CADPS: variants seen among roughly 807,000 people sequenced by gnomAD.
CADPS encodes calcium-dependent secretion activator 1.
CADPS carries 57 observed loss-of-function variants against 167.3 expected under a neutral mutation model. That is an observed-to-expected ratio of 0.34 (90% CI 0.28 to 0.42). The LOEUF (loss-of-function observed/expected upper bound fraction) is 0.42. CADPS is among the 20% of genes least tolerant of loss of function. The pLI, the probability that CADPS is intolerant of heterozygous loss-of-function variation, is 1.00. For missense variants in CADPS, 1,414 were observed against 1,738.1 expected (o/e 0.81, Z 3.32); for synonymous variants, 676 against 635.3 (o/e 1.06, Z -0.96).
At chr3:62,600,486 T>C (rs1171122331) in intron 6 of CADPS, among the ~76,000 whole-genome samples, 3 of 152,162 alleles carry the variant, frequency 2.0e-5, no homozygotes. Flanking sequence ...CCAAACCAAA[T>C]ACTTCCTGTA....
intron 1 of CADPS, among the ~76,000 whole-genome samples, chr3:62,772,481 G>T (rs1040578121): frequency 6.6e-6 from 1 of 152,092 alleles, no homozygotes; most frequent in Non-Finnish European, 1.5e-5. Context: ...CAAATCTATT[G>T]TCTATAGCCA....
intron 22 of CADPS, among the ~76,000 whole-genome samples, chr3:62,479,282 C>T (rs974612083): frequency 2.0e-5 from 3 of 152,172 alleles, no homozygotes; most frequent in African/African-American, 4.8e-5. Flanking sequence ...AAAAATGCTC[C>T]ATCTCTCATC....
chr3:62,769,255 A>G (rs1427416787), intron 1 of CADPS, among the ~76,000 whole-genome samples: 1 of 151,970 alleles, frequency 6.6e-6, no homozygotes, highest in East Asian at 1.9e-4. Context: ...AAACAAAAAA[A>G]CAGAGTCTCA....
intron 4 of CADPS, among the ~76,000 whole-genome samples, chr3:62,656,090 G>A (rs2071493320): frequency 6.6e-6 from 1 of 152,146 alleles, no homozygotes; most frequent in Non-Finnish European, 1.5e-5. Flanking sequence ...CATTTGAAAT[G>A]AGGATAATAA....
rs1348148722 is a variant in CADPS at position 62,574,412 on chromosome 3, G to T, written c.1578-3474C>A. Among the ~76,000 whole-genome samples the T allele has an allele frequency of 4.6e-5, 7 of 152,234 alleles. No homozygotes were observed. In the East Asian group the frequency reaches 1.4e-3, roughly 29 times the overall value. ...GAGAAAGCAAAGAGATTAGTGAAGA[G>T]CTGGTCACAGGGGCTCAGGCAAGAG... On this transcript the variant is annotated intron_variant, in intron 8 of 29. Transcript: ENST00000383710.
chr3:62,614,303 T>C (rs1019958157), intron 6 of CADPS, among the ~76,000 whole-genome samples: 4 of 152,186 alleles, frequency 2.6e-5, no homozygotes, highest in Non-Finnish European at 4.4e-5. Context: ...TTGCTAAGTA[T>C]ATGTGACCCT....
At chr3:62,612,606 G>A (rs939778420) in intron 6 of CADPS, among the ~76,000 whole-genome samples, 1 of 152,172 alleles carries the variant, frequency 6.6e-6, no homozygotes, top group African/African-American at 2.4e-5. Flanking sequence ...GAAGTCAATA[G>A]TTATGTCTAT....
chr3:62,608,376 G>A (rs114920453), intron 6 of CADPS, among the ~76,000 whole-genome samples: 1,671 of 150,150 alleles, frequency 0.011, 35 homozygotes, highest in African/African-American at 0.036. Context: ...TCCACCTCCC[G>A]GGCTCACGTG....
chr3:62,639,109 T>G (rs1436271470), intron 6 of CADPS, among the ~76,000 whole-genome samples: 1 of 152,132 alleles, frequency 6.6e-6, no homozygotes. Flanking sequence ...GACCAAGCAT[T>G]CTGGTCTGAG....
intron 4 of CADPS, among the ~76,000 whole-genome samples, chr3:62,654,661 C>T (rs952881194): frequency 1.3e-5 from 2 of 152,106 alleles, no homozygotes; most frequent in Admixed American, 6.6e-5. Context: ...TAAAGGCTGT[C>T]ACGGAACAAA....
chr3:62,460,275 C>T (rs2059175900), intron 26 of CADPS, among the ~76,000 whole-genome samples: 1 of 152,206 alleles, frequency 6.6e-6, no homozygotes, highest in African/African-American at 2.4e-5. Context: ...ACGCCAGCTA[C>T]TACTACCACA....
At chr3:62,769,715 G>A (rs916533957) in intron 1 of CADPS, among the ~76,000 whole-genome samples, 5 of 152,166 alleles carry the variant, frequency 3.3e-5, no homozygotes, top group Admixed American at 6.5e-5. Context: ...ATGTGGCGAA[G>A]TAGTTATTTA....
chr3:62,686,213 C>A (rs2078006180), intron 3 of CADPS, among the ~76,000 whole-genome samples: 1 of 151,914 alleles, frequency 6.6e-6, no homozygotes, highest in South Asian at 2.1e-4. Context: ...AAACAAAAAA[C>A]CCTGCATGTT....
Position 62,502,207 on chromosome 3 carries a change from C to G in CADPS, c.2600-2939G>C, listed in dbSNP as rs527786367. 1.2e-3 allele frequency among the ~76,000 whole-genome samples: 179 copies of G among 152,260 alleles called. 3 individuals are homozygous for G. The highest frequency in any genetic ancestry group is 8.3e-4 in the South Asian group (4 of 4,824). The stretch of plus-strand genomic sequence containing the variant: ...CAAAATGGAACTAAAAGTAAATTCC[C>G]TAAGATGTTGTCTTTAAAGAAAATA... On this transcript the variant is annotated intron_variant, in intron 17 of 29. Transcript: ENST00000383710.
chr3:62,687,586 T>C (rs946315453), intron 3 of CADPS, among the ~76,000 whole-genome samples: 7 of 151,980 alleles, frequency 4.6e-5, no homozygotes, highest in Non-Finnish European at 1.0e-4. Context: ...CAGGATGAAT[T>C]GGCTTGAAGA....
intron 28 of CADPS, among the ~76,000 whole-genome samples, chr3:62,430,898 G>C (rs1363369360): frequency 6.6e-6 from 1 of 151,984 alleles, no homozygotes; most frequent in South Asian, 2.1e-4. Context: ...TTTGGGGCTC[G>C]AAAATAGATG....
chr3:62,855,129 GTTTCACCA>G (rs1304899724), intron 1 of CADPS, among the ~76,000 whole-genome samples: 23 of 89,990 alleles, frequency 2.6e-4, no homozygotes, highest in Admixed American at 5.2e-4. Flanking sequence ...TAGAGATGGG[GTTTCACCA>G]TTTCACCATG....
chr3:62,632,498 G>A (rs180835876), intron 6 of CADPS, among the ~76,000 whole-genome samples: 373 of 152,042 alleles, frequency 2.5e-3, no homozygotes, highest in Admixed American at 3.7e-3. Context: ...AAGGGTCCTG[G>A]GTCCAAGATT....
chr3:62,467,303 T>G, intron 24 of CADPS: 1 of 1,260,892 alleles, frequency 7.9e-7, no homozygotes, highest in Non-Finnish European at 1.0e-6. Flanking sequence ...CTTACCCACA[T>G]TTTAGCAAAC....
Sources: gnomAD v4.1 joint callset for allele counts (sites outside exome capture counted in the v4.1 genomes callset) on GRCh38, gnomAD v4.1.1 for gene constraint, MANE v1.5 for transcripts, NCBI Gene and HGNC (gene_info 2026-07-23, HGNC 2026-07-21) for gene names.